Variants in ADO observed in about 807,000 individuals in gnomAD.
The protein encoded by ADO is 2-aminoethanethiol (cysteamine) dioxygenase.
A neutral mutation model predicts 16.6 loss-of-function variants in ADO; 9 were observed. The ratio of observed to expected loss-of-function variants is 0.54; its 90% CI spans 0.33 to 0.95. ADO has a LOEUF of 0.95. Among genes scored for constraint, ADO ranks in the 40% least tolerant of loss-of-function variants. The pLI is 0.03. For synonymous variants in ADO, 189 were observed against 179.6 expected, an observed-to-expected ratio of 1.05 and a Z score of -0.42; for missense variants, 356 against 386.4, an observed-to-expected ratio of 0.92 and a Z score of 0.66.
In ADO at chr10:62,807,682, A is replaced by G. The variant is rs1394530928; in HGVS notation, c.*1810A>G. ...ATTGTTGCTAAAATTGTTTTATTGTAGCTCCACATTCTGGTGTAGTTTAAA... is the reference window on the plus strand; with the variant it reads ...ATTGTTGCTAAAATTGTTTTATTGTGGCTCCACATTCTGGTGTAGTTTAAA... On this transcript the variant is annotated 3_prime_UTR_variant, in exon 1 of 1. Transcript: ENST00000373783. 6.0e-6 allele frequency: 1 copy of G among 167,254 alleles called. No homozygotes were observed. Among genetic ancestry groups the G allele is most frequent in the Non-Finnish European group, 1.5e-5 (1 of 68,128 alleles). The allele number at this position is 167,254 out of a possible 1,614,324, so 10.4% of individuals were successfully genotyped here.
rs1339653342 is a variant in ADO, at chr10:62,806,018, G to A, written c.*146G>A. 1.3e-5 allele frequency: 3 copies of A among 226,976 alleles called. No individual in the cohort carries two copies. Among genetic ancestry groups the A allele is most frequent in the Non-Finnish European group, 2.4e-5 (3 of 126,452 alleles). 14.1% of individuals were successfully genotyped at this position (226,976 alleles called of 1,614,324 possible). On this transcript the variant is annotated 3_prime_UTR_variant, in exon 1 of 1. Transcript: ENST00000373783. ...CAGCCTTGGGAAGCACGGGCGACTGGACAGCAGCCGCCGGGCACGGTTATG... is the reference window on the plus strand; with the variant it reads ...CAGCCTTGGGAAGCACGGGCGACTGAACAGCAGCCGCCGGGCACGGTTATG...
rs764835246 is a variant in ADO, at chr10:62,805,406, G to A, written c.347G>A (p.Gly116Asp). 6.3e-6 allele frequency: 10 copies of A among 1,581,088 alleles called. No individual in the cohort carries two copies. The highest frequency in any genetic ancestry group is 8.6e-7 in the Non-Finnish European group (1 of 1,167,076). ...TCCATCCCGCTGCACGACCACCCGG[G>A]CATGCACGGCATGCTCAAGGTGCTG... is the stretch of plus-strand genomic sequence containing the variant. The part of the protein sequence containing the change: ...GTSIPLHDHP[G>D]MHGMLKVLYG... The change falls in exon 1 of 1, where the codon GGC becomes GAC. Residue 116 changes from glycine (G) to aspartate (D), a missense_variant. Gly to Asp is a moderately conservative substitution (Grantham distance 94). Transcript: ENST00000373783. The surrounding 1 kb of genome is among the most constrained non-coding windows in gnomAD (Gnocchi z 6.4).
chr10:62,805,983 G>A lies in ADO; in HGVS notation c.*111G>A. On this transcript the variant is annotated 3_prime_UTR_variant, in exon 1 of 1. Coordinates refer to ENST00000373783, the MANE Select transcript of ADO (RefSeq NM_032804.6). This position sits in a 1 kb window ranked among gnomAD's most constrained non-coding sequence, Gnocchi z 6.4. ...GGATCTACTGGAATGAGCAGCAGCC[G>A]CTTCCTCGGCAGCCTTGGGAAGCAC... is the stretch of plus-strand genomic sequence containing the variant. The A allele has an allele frequency of 9.7e-7, 1 of 1,033,150 alleles. No homozygotes were observed. The highest frequency in any genetic ancestry group is 1.3e-6 in the Non-Finnish European group (1 of 781,632). The allele number at this position is 1,033,150 out of a possible 1,614,324, so 64.0% of individuals were successfully genotyped here.
Position 62,805,469 on chromosome 10 carries a change from A to G in ADO, c.410A>G (p.Asp137Gly). The G allele has an allele frequency of 1.3e-6, 2 of 1,541,920 alleles. No individual in the cohort carries two copies. The highest frequency in any genetic ancestry group is 1.7e-6 in the Non-Finnish European group (2 of 1,147,252). The change falls in exon 1 of 1, where the codon GAC (aspartate) becomes GGC (glycine). Residue 137 changes from aspartate to glycine, a missense_variant. Transcript: ENST00000373783. This position sits in a 1 kb window ranked among gnomAD's most constrained non-coding sequence, Gnocchi z 6.4. Reference protein sequence around the residue: ...TVRISCMDKLDAGGGQRPRAL... With the variant: ...TVRISCMDKLGAGGGQRPRAL... The stretch of plus-strand genomic sequence containing the variant: ...CGCATCAGCTGCATGGACAAGCTAG[A>G]CGCGGGCGGCGGGCAACGGCCGCGG...
rs769440846 is a variant in ADO, at chr10:62,805,101, C to T, written c.42C>T (p.Ala14=). 2 of 1,531,762 alleles carry T rather than the reference C, an allele frequency of 1.3e-6. No individual in the cohort carries two copies. The highest frequency in any genetic ancestry group is 4.6e-5 in the East Asian group (2 of 43,690). 94.9% of individuals were successfully genotyped at this position (1,531,762 alleles called of 1,614,324 possible). ...DNMASLIQRI[A]RQACLTFRGS... ...TGGCCTCCTTGATCCAACGGATCGC[C>T]CGCCAGGCTTGCCTCACCTTCCGGG... Residue 14 remains alanine, a synonymous_variant, in exon 1 of 1, where the codon GCC becomes GCT. Coordinates refer to ENST00000373783, the MANE Select transcript of ADO (RefSeq NM_032804.6). This position sits in a 1 kb window ranked among gnomAD's most constrained non-coding sequence, Gnocchi z 6.4.
At position 62,805,199 on chromosome 10, in the gene ADO, TC is replaced by T; in HGVS notation, c.144del (p.Glu49ArgfsTer3). 6.2e-7 allele frequency: 1 copy of T among 1,601,374 alleles called. No homozygotes were observed. On this transcript the variant is annotated frameshift_variant, in exon 1 of 1. Coordinates refer to ENST00000373783, the MANE Select transcript of ADO (RefSeq NM_032804.6). LOFTEE classifies it high-confidence loss of function. This position sits in a 1 kb window ranked among gnomAD's most constrained non-coding sequence, Gnocchi z 6.4. ...CCGGAGGCGCCGATGCAGCCGGGCT[TC>T]CCCGAGAACCTGAGCAAGCTGAAGA... ...SGPEAPMQPG[F>X]PENLSKLKSL...
rs370368392 is a variant in ADO at position 62,805,916 on chromosome 10, C to T, written c.*44C>T. On this transcript the variant is annotated 3_prime_UTR_variant, in exon 1 of 1. Transcript: ENST00000373783. This position sits in a 1 kb window ranked among gnomAD's most constrained non-coding sequence, Gnocchi z 6.4. The stretch of plus-strand genomic sequence containing the variant: ...GCGGTGGGCCGAAGACGTGCCCTAC[C>T]CTACCACAAGGGCTGTGTCTCTACC... The T allele has an allele frequency of 1.0e-4, 149 of 1,429,802 alleles. No individual in the cohort carries two copies. The Middle Eastern group carries it at 3.1e-3, about 30-fold the overall frequency. The allele number at this position is 1,429,802 out of a possible 1,614,324, so 88.6% of individuals were successfully genotyped here.
At position 62,805,116 on chromosome 10, in the gene ADO, C is replaced by G; in HGVS notation, c.57C>G (p.Leu19=). The change falls in exon 1 of 1, where the codon CTC becomes CTG. Residue 19 remains leucine (L), a synonymous_variant. Transcript: ENST00000373783. The surrounding 1 kb of genome is among the most constrained non-coding windows in gnomAD (Gnocchi z 6.4). Reference sequence around the variant, plus strand: ...AACGGATCGCCCGCCAGGCTTGCCTCACCTTCCGGGGCAGCGGGGGCGGCC... The same window carrying G: ...AACGGATCGCCCGCCAGGCTTGCCTGACCTTCCGGGGCAGCGGGGGCGGCC... ...LIQRIARQAC[L]TFRGSGGGRG... The G allele has an allele frequency of 6.5e-7, 1 of 1,546,722 alleles. No individual in the cohort carries two copies. Among genetic ancestry groups the G allele is most frequent in the Non-Finnish European group, 8.7e-7 (1 of 1,152,578 alleles).
Position 62,804,927 on chromosome 10 carries a change from G to A in ADO, c.-133G>A. ...CTGCTGAGGTTGGCGGCGGTGCCGC[G>A]CGCCCGACGGGCCGGTGGTTGCGGG... is the stretch of plus-strand genomic sequence containing the variant. On this transcript the variant is annotated 5_prime_UTR_variant, in exon 1 of 1. Coordinates refer to ENST00000373783, the MANE Select transcript of ADO (RefSeq NM_032804.6). 1 of 835,240 alleles carries A rather than the reference G, an allele frequency of 1.2e-6. No individual in the cohort carries two copies. Among genetic ancestry groups the A allele is most frequent in the South Asian group, 5.9e-5 (1 of 16,966 alleles). The allele number at this position is 835,240 out of a possible 1,614,324, so 51.7% of individuals were successfully genotyped here. A position where few individuals can be genotyped will look rare whatever the true frequency, so the allele number is the denominator to read the frequency against.
chr10:62,804,949 C>T lies in ADO; in HGVS notation c.-111C>T, dbSNP rs913275460. 2.5e-5 allele frequency: 26 copies of T among 1,054,008 alleles called. No homozygotes were observed. Among genetic ancestry groups the T allele is most frequent in the Admixed American group, 4.3e-5 (1 of 23,248 alleles). The allele number at this position is 1,054,008 out of a possible 1,614,324, so 65.3% of individuals were successfully genotyped here. A position where few individuals can be genotyped will look rare whatever the true frequency, so the allele number is the denominator to read the frequency against. On this transcript the variant is annotated 5_prime_UTR_variant, in exon 1 of 1. Transcript: ENST00000373783. ...CGCGCGCCCGACGGGCCGGTGGTTG[C>T]GGGGCCTCCCGCCTCGACCCGGGCT...
At position 62,805,311 on chromosome 10, in the gene ADO, A is replaced by G. The variant is rs763645049; in HGVS notation, c.252A>G (p.Pro84=). 1.0e-5 allele frequency: 16 copies of G among 1,604,142 alleles called. No homozygotes were observed. Among genetic ancestry groups the G allele is most frequent in the Admixed American group, 1.7e-5 (1 of 59,798 alleles). The change falls in exon 1 of 1, where the codon CCA becomes CCG. Residue 84 remains proline (P), a synonymous_variant. Coordinates refer to ENST00000373783, the MANE Select transcript of ADO (RefSeq NM_032804.6). The surrounding 1 kb of genome is among the most constrained non-coding windows in gnomAD (Gnocchi z 6.4). ...AGCCGCTGCCGCCCAACCTGCCGCC[A>G]GTCACCTACATGCACATCTACGAGA... ...TLQPLPPNLP[P]VTYMHIYETD...
In ADO at chr10:62,804,860, G is replaced by A. The variant is rs554379730; in HGVS notation, c.-200G>A. 1.4e-5 allele frequency: 5 copies of A among 349,148 alleles called. No individual in the cohort carries two copies. In the South Asian group the frequency reaches 5.6e-4, roughly 39 times the overall value. The allele number at this position is 349,148 out of a possible 1,614,324, so 21.6% of individuals were successfully genotyped here. A position where few individuals can be genotyped will look rare whatever the true frequency, so the allele number is the denominator to read the frequency against. ...TGGGGCGTGCGCGTGCGCGCTCAGA[G>A]GGGGCTCAAGGCGAGCGCGCCGGGC... On this transcript the variant is annotated 5_prime_UTR_variant, in exon 1 of 1. Transcript: ENST00000373783.
chr10:62,804,939 C>T lies in ADO; in HGVS notation c.-121C>T, dbSNP rs1357146508. 3.2e-6 allele frequency: 3 copies of T among 949,446 alleles called. No homozygotes were observed. Among genetic ancestry groups the T allele is most frequent in the African/African-American group, 1.7e-5 (1 of 58,170 alleles). 58.8% of individuals were successfully genotyped at this position (949,446 alleles called of 1,614,324 possible). ...GCGGCGGTGCCGCGCGCCCGACGGG[C>T]CGGTGGTTGCGGGGCCTCCCGCCTC... On this transcript the variant is annotated 5_prime_UTR_variant, in exon 1 of 1. Coordinates refer to ENST00000373783, the MANE Select transcript of ADO (RefSeq NM_032804.6).
chr10:62,807,690 AT>A lies in ADO; in HGVS notation c.*1820del, dbSNP rs577951319. On this transcript the variant is annotated 3_prime_UTR_variant, in exon 1 of 1. Transcript: ENST00000373783. ...TAAAATTGTTTTATTGTAGCTCCAC[AT>A]TCTGGTGTAGTTTAAAATGCCTTTG... The A allele has an allele frequency of 6.6e-4, 110 of 167,372 alleles. No individual in the cohort carries two copies. The highest frequency in any genetic ancestry group is 2.5e-3 in the African/African-American group (105 of 41,596). The allele number at this position is 167,372 out of a possible 1,614,324, so 10.4% of individuals were successfully genotyped here. A position where few individuals can be genotyped will look rare whatever the true frequency, so the allele number is the denominator to read the frequency against.
In ADO at chr10:62,804,825, G is replaced by T; in HGVS notation, c.-235G>T. On this transcript the variant is annotated 5_prime_UTR_variant, in exon 1 of 1. Transcript: ENST00000373783. The stretch of plus-strand genomic sequence containing the variant: ...GCCGCTATCTGCTCCCGGAGCGTGA[G>T]TGCGGGGTGTGGGGCGTGCGCGTGC... 1 of 283,370 alleles carries T rather than the reference G, an allele frequency of 3.5e-6. No individual in the cohort carries two copies. The highest frequency in any genetic ancestry group is 6.7e-5 in the East Asian group (1 of 15,032). 17.6% of individuals were successfully genotyped at this position (283,370 alleles called of 1,614,324 possible).
Position 62,806,040 on chromosome 10 carries a change from TATGGGGGC to T in ADO, c.*169_*176del. The T allele has an allele frequency of 5.2e-6, 1 of 191,470 alleles. No individual in the cohort carries two copies. 11.9% of individuals were successfully genotyped at this position (191,470 alleles called of 1,614,324 possible). On this transcript the variant is annotated 3_prime_UTR_variant, in exon 1 of 1. Transcript: ENST00000373783. Reference sequence around the variant, plus strand: ...CTGGACAGCAGCCGCCGGGCACGGTTATGGGGGCGGGGTGGGCGGGGAGGCTAGATTGT... The same window carrying T: ...CTGGACAGCAGCCGCCGGGCACGGTTGGGGTGGGCGGGGAGGCTAGATTGT...
In ADO at chr10:62,805,660, C is replaced by T. The variant is rs1842044007; in HGVS notation, c.601C>T (p.Pro201Ser). Residue 201 changes from proline to serine, a missense_variant, in exon 1 of 1, where the codon CCT (proline) becomes TCT (serine). Pro to Ser is a moderately conservative substitution (Grantham distance 74). Transcript: ENST00000373783. The surrounding 1 kb of genome is among the most constrained non-coding windows in gnomAD (Gnocchi z 6.4). Reference sequence around the variant, plus strand: ...GCACCAGATCGACGCCGTGGAAGGGCCTGCCGCCTTCCTGGACATCCTGGC... The same window carrying T: ...GCACCAGATCGACGCCGTGGAAGGGTCTGCCGCCTTCCTGGACATCCTGGC... ...NLHQIDAVEG[P>S]AAFLDILAPP... is the part of the protein sequence containing the mutation. 5 of 1,610,240 alleles carry T rather than the reference C, an allele frequency of 3.1e-6. No individual in the cohort carries two copies. The highest frequency in any genetic ancestry group is 4.2e-6 in the Non-Finnish European group (5 of 1,178,904).
rs78951580 is a variant in ADO at position 62,807,407 on chromosome 10, G to A, written c.*1535G>A. The A allele has an allele frequency of 5.5e-4, 92 of 167,248 alleles. No individual in the cohort carries two copies. Among genetic ancestry groups the A allele is most frequent in the African/African-American group, 2.2e-3 (92 of 41,570 alleles). The allele number at this position is 167,248 out of a possible 1,614,324, so 10.4% of individuals were successfully genotyped here. ...ATAGAGTTCTAATATCTATAATAAA[G>A]GGAGATTTGCTATTATTAGTGGAAT... On this transcript the variant is annotated 3_prime_UTR_variant, in exon 1 of 1. Coordinates refer to ENST00000373783, the MANE Select transcript of ADO (RefSeq NM_032804.6).
Position 62,804,994 on chromosome 10 carries a change from G to T in ADO, c.-66G>T. The T allele has an allele frequency of 7.5e-7, 1 of 1,342,178 alleles. No homozygotes were observed. The highest frequency in any genetic ancestry group is 3.1e-5 in the East Asian group (1 of 32,116). 83.1% of individuals were successfully genotyped at this position (1,342,178 alleles called of 1,614,324 possible). A position where few individuals can be genotyped will look rare whatever the true frequency, so the allele number is the denominator to read the frequency against. ...CGGGCTGGGGGCAGCCGTGGCGGCCGCCGGGGACCGCAAGGGGCGGAGGAA... is the reference window on the plus strand; with the variant it reads ...CGGGCTGGGGGCAGCCGTGGCGGCCTCCGGGGACCGCAAGGGGCGGAGGAA... On this transcript the variant is annotated 5_prime_UTR_variant, in exon 1 of 1. Coordinates refer to ENST00000373783, the MANE Select transcript of ADO (RefSeq NM_032804.6).
Sources: gnomAD v4.1 joint callset for allele counts on GRCh38, gnomAD v4.1.1 for gene constraint, Gnocchi (gnomAD v3.1) non-coding constraint, MANE v1.5 for transcripts, NCBI Gene and HGNC (gene_info 2026-07-23, HGNC 2026-07-21) for gene names.